ARHGAP10: variants seen among roughly 807,000 people sequenced by gnomAD.
ARHGAP10 encodes rho GTPase-activating protein 10.
In ARHGAP10, 87 loss-of-function variants were observed where a neutral mutation model predicts 108.6. The observed-to-expected ratio is 0.80, with a 90% CI of 0.67 to 0.96. The LOEUF (loss-of-function observed/expected upper bound fraction) is 0.96, where lower values mean the gene tolerates loss of function less well. Among genes scored for constraint, ARHGAP10 ranks in the 40% least tolerant of loss-of-function variants. The pLI, the probability that ARHGAP10 is intolerant of heterozygous loss-of-function variation, is 0.00. For synonymous variants in ARHGAP10, 347 were observed against 341.1 expected (o/e 1.02, Z -0.19); for missense variants, 939 against 954.5 (o/e 0.98, Z 0.21).
rs1741637731 is a variant in ARHGAP10, at chr4:148,023,267, T to G, written c.1721T>G (p.Phe574Cys). Reference sequence around the variant, plus strand: ...TCCTTTATGCTTTGTTGGAAGATTTTTCGGACGCCGCCCGATACTACATTC... The same window carrying G: ...TCCTTTATGCTTTGTTGGAAGATTTGTCGGACGCCGCCCGATACTACATTC... ...EILIENHEKI[F>C]RTPPDTTFPE... The change falls in exon 19 of 23, where the codon TTT becomes TGT. Residue 574 changes from phenylalanine (F) to cysteine (C), a missense_variant. Physicochemically the swap from Phe to Cys is radical, Grantham distance 205. Transcript: ENST00000336498. 1 of 1,613,918 alleles carries G rather than the reference T, an allele frequency of 6.2e-7. No individual in the cohort carries two copies. The highest frequency in any genetic ancestry group is 1.7e-5 in the Admixed American group (1 of 60,014).
intron 19 of ARHGAP10, among the ~76,000 whole-genome samples, chr4:148,025,445 A>G (rs1741731078): frequency 1.3e-5 from 2 of 152,042 alleles, no homozygotes; most frequent in Non-Finnish European, 2.9e-5. Flanking sequence ...TAGAGGTTAT[A>G]TGATAAGATA....
chr4:148,020,268 T>C (rs1560878192), intron 18 of ARHGAP10, among the ~76,000 whole-genome samples: 2 of 152,210 alleles, frequency 1.3e-5, no homozygotes, highest in African/African-American at 4.8e-5. Flanking sequence ...GTGACAAATT[T>C]TATGAAATAA....
At chr4:147,923,950 GA>G (rs1737347729) in intron 13 of ARHGAP10, among the ~76,000 whole-genome samples, 1 of 152,208 alleles carries the variant, frequency 6.6e-6, no homozygotes. Flanking sequence ...GCTGTCCTCA[GA>G]AAATTTACAG....
chr4:147,957,140 C>A (rs375732845), intron 16 of ARHGAP10, among the ~76,000 whole-genome samples: 4 of 152,052 alleles, frequency 2.6e-5, no homozygotes, highest in African/African-American at 7.2e-5. Flanking sequence ...ATGACAGGAC[C>A]GTCAGAAAGA....
intron 19 of ARHGAP10, among the ~76,000 whole-genome samples, chr4:148,032,453 T>G (rs777331446): frequency 6.6e-6 from 1 of 150,984 alleles, no homozygotes; most frequent in Non-Finnish European, 1.5e-5. Context: ...TGATCAGTTA[T>G]TAGCAAGTCT....
rs556503137 is a variant in ARHGAP10, at chr4:147,743,018, C to T, written c.154+10563C>T. On this transcript the variant is annotated intron_variant, in intron 1 of 22. Transcript: ENST00000336498. The stretch of plus-strand genomic sequence containing the variant: ...CGGGCAGATTCTCTGCCATACTGAT[C>T]GATAGTTTTTTTTTTTTTTTTAATT... Among the ~76,000 whole-genome samples the T allele has an allele frequency of 2.6e-4, 39 of 148,552 alleles. No individual in the cohort carries two copies. In the South Asian group the frequency reaches 4.7e-3, roughly 18 times the overall value.
intron 3 of ARHGAP10, among the ~76,000 whole-genome samples, chr4:147,843,494 C>T (rs1387315976): frequency 6.6e-6 from 1 of 152,146 alleles, no homozygotes; most frequent in East Asian, 1.9e-4. Context: ...AACGTCTCTG[C>T]AGCCCACACA....
chr4:147,901,003 T>A (rs1736213600), intron 10 of ARHGAP10, among the ~76,000 whole-genome samples: 1 of 152,324 alleles, frequency 6.6e-6, no homozygotes, highest in Admixed American at 6.5e-5. Flanking sequence ...ATTCTGAGAT[T>A]CACCATATTT....
intron 1 of ARHGAP10, among the ~76,000 whole-genome samples, chr4:147,820,097 A>G (rs1406283773): frequency 6.6e-6 from 1 of 152,080 alleles, no homozygotes; most frequent in Non-Finnish European, 1.5e-5. Context: ...TGAGGTGGGG[A>G]GGATTCCTGA....
chr4:147,855,569 TA>T (rs1307253780), intron 4 of ARHGAP10, among the ~76,000 whole-genome samples: 1 of 152,188 alleles, frequency 6.6e-6, no homozygotes, highest in Non-Finnish European at 1.5e-5. Flanking sequence ...GTTCCATTTC[TA>T]CACATGGGTG....
At chr4:148,039,554 C>T (rs1228005722) in intron 19 of ARHGAP10, among the ~76,000 whole-genome samples, 1 of 151,776 alleles carries the variant, frequency 6.6e-6, no homozygotes, top group Admixed American at 6.6e-5. Flanking sequence ...CCCACCTCTA[C>T]CTCCCAAAGT....
chr4:147,796,099 A>G (rs1431733985), intron 1 of ARHGAP10, among the ~76,000 whole-genome samples: 1 of 152,138 alleles, frequency 6.6e-6, no homozygotes, highest in African/African-American at 2.4e-5. Flanking sequence ...TTTGTTTATA[A>G]TTTCCCCCCC....
At chr4:148,050,336 A>G (rs561487404) in intron 20 of ARHGAP10, among the ~76,000 whole-genome samples, 29 of 141,302 alleles carry the variant, frequency 2.1e-4, no homozygotes, top group African/African-American at 6.3e-4. Flanking sequence ...CTCTTAGGCT[A>G]CTACATTTGG....
chr4:147,748,384 T>C (rs1729016812), intron 1 of ARHGAP10, among the ~76,000 whole-genome samples: 1 of 151,796 alleles, frequency 6.6e-6, no homozygotes. Flanking sequence ...TAGAAACTAG[T>C]AAAAAAAAGC....
intron 13 of ARHGAP10, among the ~76,000 whole-genome samples, chr4:147,932,245 G>A (rs886620460): frequency 1.1e-4 from 16 of 152,134 alleles, no homozygotes; most frequent in Non-Finnish European, 1.9e-4. Flanking sequence ...GAAGACAGTG[G>A]CGATTCCTTA....
At chr4:147,898,150 G>T (rs1311008046) in intron 10 of ARHGAP10, among the ~76,000 whole-genome samples, 2 of 150,694 alleles carry the variant, frequency 1.3e-5, no homozygotes, top group African/African-American at 4.9e-5. Flanking sequence ...TTTTTATCTT[G>T]TTCCATTTCT....
At chr4:147,742,082 G>A (rs1203056012) in intron 1 of ARHGAP10, among the ~76,000 whole-genome samples, 4 of 152,006 alleles carry the variant, frequency 2.6e-5, no homozygotes, top group South Asian at 2.1e-4. Context: ...ATGGTGAGAT[G>A]TGTGGCTGGA....
chr4:147,923,816 G>T (rs1737342296), intron 13 of ARHGAP10, among the ~76,000 whole-genome samples: 1 of 152,232 alleles, frequency 6.6e-6, no homozygotes, highest in Non-Finnish European at 1.5e-5. Context: ...AGATTACAAT[G>T]TATAATTTCA....
chr4:147,843,820 C>T (rs553765533), intron 3 of ARHGAP10, among the ~76,000 whole-genome samples: 1 of 152,300 alleles, frequency 6.6e-6, no homozygotes, highest in Admixed American at 6.5e-5. Flanking sequence ...GGCCTGAACC[C>T]CTTTCTTCTT....
Sources: gnomAD v4.1 joint callset for allele counts (sites outside exome capture counted in the v4.1 genomes callset) on GRCh38, gnomAD v4.1.1 for gene constraint, MANE v1.5 for transcripts, NCBI Gene and HGNC (gene_info 2026-07-23, HGNC 2026-07-21) for gene names.